Variants in NEGR1 observed in about 807,000 individuals in gnomAD.
The protein encoded by NEGR1 is neuronal growth regulator 1.
In NEGR1, 10 loss-of-function variants were observed where a neutral mutation model predicts 40.9. The ratio of observed to expected loss-of-function variants is 0.24; its 90% CI spans 0.15 to 0.42. The LOEUF (loss-of-function observed/expected upper bound fraction) is 0.42, where lower values mean the gene tolerates loss of function less well. NEGR1 is among the 10% of genes least tolerant of loss of function. The pLI is 1.00. For missense variants in NEGR1, 352 were observed against 438.9 expected (o/e 0.80, Z 1.77); for synonymous variants, 185 against 166.8 (o/e 1.11, Z -0.84).
At chr1:72,130,660 T>C (rs986241357) in intron 1 of NEGR1, among the ~76,000 whole-genome samples, 7 of 152,258 alleles carry the variant, frequency 4.6e-5, no homozygotes, top group African/African-American at 9.6e-5. Context: ...ATTTAAGTCA[T>C]GCTCCTCAGT....
intron 4 of NEGR1, among the ~76,000 whole-genome samples, chr1:71,661,343 T>A (rs1026972524): frequency 6.6e-6 from 1 of 152,180 alleles, no homozygotes; most frequent in South Asian, 2.1e-4. Flanking sequence ...GGGGGTCTTT[T>A]ATAAGGCACA....
intron 4 of NEGR1, among the ~76,000 whole-genome samples, chr1:71,650,459 A>G (rs1651674226): frequency 6.6e-6 from 1 of 152,210 alleles, no homozygotes; most frequent in Admixed American, 6.5e-5. Flanking sequence ...TTCACATTTT[A>G]AAAAGTACAT....
intron 1 of NEGR1, among the ~76,000 whole-genome samples, chr1:72,164,596 A>C (rs1276053156): frequency 6.6e-6 from 1 of 151,998 alleles, no homozygotes; most frequent in Admixed American, 6.6e-5. Context: ...GTACTCCTTA[A>C]ATATTTTCTT....
chr1:71,780,886 G>A (rs1656692303), intron 2 of NEGR1, among the ~76,000 whole-genome samples: 1 of 152,156 alleles, frequency 6.6e-6, no homozygotes, highest in Admixed American at 6.5e-5. Flanking sequence ...GAGCCCATCT[G>A]TGGGTGTCTT....
Position 71,476,540 on chromosome 1 carries a change from C to T in NEGR1, c.941-68970G>A, listed in dbSNP as rs1028259462. ...AACGTGTGGGGTAGGAGCTTTAAGC[C>T]ACAACAACCATGTGATTTAGGCTGT... On this transcript the variant is annotated intron_variant, in intron 6 of 6. Transcript: ENST00000357731. Among the ~76,000 whole-genome samples, 3 of 151,944 alleles carry T rather than the reference C, an allele frequency of 2.0e-5. No homozygotes were observed. The East Asian group carries it at 5.8e-4, about 30-fold the overall frequency.
intron 2 of NEGR1, among the ~76,000 whole-genome samples, chr1:71,860,591 G>A (rs1357667989): frequency 6.6e-6 from 1 of 151,836 alleles, no homozygotes; most frequent in Non-Finnish European, 1.5e-5. Context: ...AAAATACAAT[G>A]ATAGATAGTA....
chr1:71,924,465 G>GCA (rs929255684), intron 2 of NEGR1, among the ~76,000 whole-genome samples: 1 of 152,102 alleles, frequency 6.6e-6, no homozygotes, highest in Non-Finnish European at 1.5e-5. Flanking sequence ...ACTTTATTCT[G>GCA]CACTAATAAA....
At chr1:72,159,265 C>T (rs894441973) in intron 1 of NEGR1, among the ~76,000 whole-genome samples, 4 of 152,044 alleles carry the variant, frequency 2.6e-5, no homozygotes, top group African/African-American at 7.2e-5. Context: ...CTTGCCGTTC[C>T]GTAACCTCTA....
At chr1:71,934,632 G>A (rs1479443988) in intron 2 of NEGR1, among the ~76,000 whole-genome samples, 1 of 152,114 alleles carries the variant, frequency 6.6e-6, no homozygotes, top group Non-Finnish European at 1.5e-5. Flanking sequence ...AACATTTAAT[G>A]TGTCAATCAT....
intron 2 of NEGR1, among the ~76,000 whole-genome samples, chr1:71,823,246 G>A (rs1163497701): frequency 6.7e-6 from 1 of 149,652 alleles, no homozygotes; most frequent in African/African-American, 2.5e-5. Context: ...TTCTTCACAG[G>A]ATTATGAATA....
chr1:71,488,651 C>A (rs1205930891), intron 6 of NEGR1, among the ~76,000 whole-genome samples: 1 of 151,614 alleles, frequency 6.6e-6, no homozygotes, highest in East Asian at 1.9e-4. Flanking sequence ...ATCCAAATAT[C>A]CTTGTCACCA....
intron 1 of NEGR1, among the ~76,000 whole-genome samples, chr1:72,181,064 A>G (rs1652349366): frequency 6.6e-6 from 1 of 152,112 alleles, no homozygotes; most frequent in Admixed American, 6.6e-5. Context: ...ATAAATGAAG[A>G]GGAGGAAGGA....
At chr1:72,129,063 C>G (rs1378942565) in intron 1 of NEGR1, among the ~76,000 whole-genome samples, 3 of 152,076 alleles carry the variant, frequency 2.0e-5, no homozygotes, top group Non-Finnish European at 4.4e-5. Context: ...AGGACTTGAA[C>G]TACACCACTG....
At chr1:71,717,851 T>C (rs544921156) in intron 3 of NEGR1, among the ~76,000 whole-genome samples, 2 of 152,262 alleles carry the variant, frequency 1.3e-5, no homozygotes, top group East Asian at 3.9e-4. Flanking sequence ...AACACAGGCA[T>C]AGGCATGGAG....
chr1:71,765,030 A>G (rs943244881), intron 3 of NEGR1, among the ~76,000 whole-genome samples: 1 of 152,038 alleles, frequency 6.6e-6, no homozygotes, highest in African/African-American at 2.4e-5. Context: ...ACTTGCACCA[A>G]AAAAAGGGCA....
intron 1 of NEGR1, among the ~76,000 whole-genome samples, chr1:72,242,286 T>C (rs1654770309): frequency 6.6e-6 from 1 of 151,732 alleles, no homozygotes; most frequent in South Asian, 2.1e-4. Flanking sequence ...TGACCTGTAA[T>C]GAGAAAAAAT....
chr1:71,694,908 G>C (rs1344763579), intron 4 of NEGR1, among the ~76,000 whole-genome samples: 2 of 151,740 alleles, frequency 1.3e-5, no homozygotes, highest in Admixed American at 6.6e-5. Flanking sequence ...AGGAAGGGCT[G>C]TCTTGAACCT....
intron 5 of NEGR1, among the ~76,000 whole-genome samples, chr1:71,598,109 C>T (rs1649790398): frequency 6.6e-6 from 1 of 152,118 alleles, no homozygotes; most frequent in Non-Finnish European, 1.5e-5. Context: ...GTTAATTTAT[C>T]TTGCACCATC....
intron 2 of NEGR1, among the ~76,000 whole-genome samples, chr1:71,850,855 A>T (rs1332076828): frequency 2.6e-5 from 4 of 152,180 alleles, no homozygotes; most frequent in Non-Finnish European, 5.9e-5. Flanking sequence ...ACTAAAACAT[A>T]CTTAAAAAGA....
Sources: allele counts gnomAD v4.1 joint callset (sites outside exome capture counted in the v4.1 genomes callset), GRCh38; gene constraint gnomAD v4.1.1; transcripts MANE v1.5; gene names NCBI Gene and HGNC (gene_info 2026-07-23, HGNC 2026-07-21).